Variants in RRP1B observed in about 807,000 individuals in gnomAD.
RRP1B encodes ribosomal RNA processing protein 1 homolog B.
In RRP1B, 56 loss-of-function variants were observed where a neutral mutation model predicts 80.2. The observed-to-expected ratio is 0.70, with a 90% CI of 0.56 to 0.87. The LOEUF (loss-of-function observed/expected upper bound fraction) is 0.87. Among genes scored for constraint, RRP1B ranks in the 40% least tolerant of loss-of-function variants. The pLI is 0.00. For synonymous variants in RRP1B, 351 were observed against 357.6 expected, an observed-to-expected ratio of 0.98 and a Z score of 0.21; for missense variants, 807 against 939.8, an observed-to-expected ratio of 0.86 and a Z score of 1.85.
intron 1 of RRP1B, among the ~76,000 whole-genome samples, chr21:43,669,549 A>C (rs2082991255): frequency 6.6e-6 from 1 of 152,202 alleles, no homozygotes; most frequent in South Asian, 2.1e-4. Flanking sequence ...GTCAGTGTGC[A>C]GGATGGCTGC....
intron 13 of RRP1B, among the ~76,000 whole-genome samples, 196 bp downstream of exon 13, chr21:43,688,436 A>G (rs1486151625): frequency 6.6e-6 from 1 of 152,346 alleles, no homozygotes; most frequent in East Asian, 1.9e-4. Flanking sequence ...GGTCCTCCTC[A>G]TCGGCCACCT....
intron 8 of RRP1B, among the ~76,000 whole-genome samples, chr21:43,682,694 C>T (rs905340712): frequency 6.6e-6 from 1 of 152,196 alleles, no homozygotes; most frequent in African/African-American, 2.4e-5. Flanking sequence ...TTCGTCCTAA[C>T]GGGACCACGT....
chr21:43,668,981 C>G (rs146199073), intron 1 of RRP1B, among the ~76,000 whole-genome samples: 5 of 152,162 alleles, frequency 3.3e-5, no homozygotes, highest in Admixed American at 3.3e-4. Context: ...TAAGGCTGAA[C>G]GAGACTGGTC....
chr21:43,674,825 T>C (rs1041057891), intron 5 of RRP1B, 128 bp downstream of exon 5: 47 of 1,055,642 alleles, frequency 4.5e-5, no homozygotes, highest in Admixed American at 1.4e-4. Flanking sequence ...AGAATTGAAA[T>C]CCAGTAGAAG....
At chr21:43,686,223 G>A (rs567866804) in intron 11 of RRP1B, 3 of 163,560 alleles carry the variant, frequency 1.8e-5, no homozygotes, top group African/African-American at 4.8e-5. Flanking sequence ...CCTATCCTGG[G>A]CTCTCCCTAA....
At chr21:43,670,196 T>A (rs2082994145) in intron 2 of RRP1B, among the ~76,000 whole-genome samples, 1 of 152,268 alleles carries the variant, frequency 6.6e-6, no homozygotes, top group Non-Finnish European at 1.5e-5. Flanking sequence ...GTCAATTTAC[T>A]ATTTCTCTGT....
At chr21:43,682,897 C>T (rs983808104) in intron 8 of RRP1B, among the ~76,000 whole-genome samples, 1 of 152,154 alleles carries the variant, frequency 6.6e-6, no homozygotes, top group Middle Eastern at 3.4e-3. Flanking sequence ...TTTTTTGAGA[C>T]GGAGTCTCGT....
chr21:43,691,527 A>G lies in RRP1B; in HGVS notation c.2083+25A>G, dbSNP rs368648364. ...GGTAAGTGGGGTTTTGCCAGCGGCA[A>G]GCTTCTCTGGAGCACAGCTGCAGCT... On this transcript the variant is annotated intron_variant, in intron 15 of 15. Coordinates refer to ENST00000340648, the MANE Select transcript of RRP1B (RefSeq NM_015056.3). The surrounding 1 kb of genome is among the most constrained non-coding windows in gnomAD (Gnocchi z 4.2). 32 of 1,611,920 alleles carry G rather than the reference A, an allele frequency of 2.0e-5. No individual in the cohort carries two copies. The highest frequency in any genetic ancestry group is 2.6e-5 in the Non-Finnish European group (31 of 1,178,344).
In RRP1B at chr21:43,690,301, C is replaced by A. The variant is rs903386953; in HGVS notation, c.1880C>A (p.Thr627Asn). 2 of 1,614,106 alleles carry A rather than the reference C, an allele frequency of 1.2e-6. No individual in the cohort carries two copies. The highest frequency in any genetic ancestry group is 1.7e-6 in the Non-Finnish European group (2 of 1,180,032). Residue 627 changes from threonine to asparagine, a missense_variant, in exon 14 of 16, where the codon ACT becomes AAT. Coordinates refer to ENST00000340648, the MANE Select transcript of RRP1B (RefSeq NM_015056.3). ...TCGCTCACGTAGGGAAGCAGTGGGA[C>A]TTGCAGTTCCCTGAAGAAGCAGAAG... ...GQPQALGSSG[T>N]CSSLKKQKLR...
In RRP1B at chr21:43,675,095, C is replaced by G; in HGVS notation, c.481C>G (p.Pro161Ala). 6.2e-7 allele frequency: 1 copy of G among 1,614,070 alleles called. No individual in the cohort carries two copies. Among genetic ancestry groups the G allele is most frequent in the Non-Finnish European group, 8.5e-7 (1 of 1,179,960 alleles). The change falls in exon 6 of 16, where the codon CCT becomes GCT. Residue 161 changes from proline to alanine, a missense_variant. Coordinates refer to ENST00000340648, the MANE Select transcript of RRP1B (RefSeq NM_015056.3). ...GGTCCTGTGTCCTGAGAGTCAGTCT[C>G]CTAATGGAGTGAGATTCCACTTCAT... is the stretch of plus-strand genomic sequence containing the variant. ...KEVLCPESQS[P>A]NGVRFHFIDI...
intron 9 of RRP1B, among the ~76,000 whole-genome samples, 174 bp from the exon 10 acceptor site, chr21:43,684,379 C>G (rs981489991): frequency 3.9e-5 from 6 of 152,148 alleles, no homozygotes; most frequent in African/African-American, 9.7e-5. Context: ...CCTGAACATG[C>G]ATTTTTCAAA....
intron 3 of RRP1B, among the ~76,000 whole-genome samples, chr21:43,672,763 T>C (rs578252452): frequency 2.8e-4 from 42 of 152,128 alleles, no homozygotes; most frequent in Admixed American, 2.7e-3. Context: ...CTCTCAACCA[T>C]AGAGAAAAAA....
At chr21:43,676,460 GA>G in intron 7 of RRP1B, 124 bp downstream of exon 7, 1 of 780,412 alleles carries the variant, frequency 1.3e-6, no homozygotes, top group Non-Finnish European at 2.1e-6. Flanking sequence ...GGCTGGAGAA[GA>G]CAGCCGAAGC....
rs560112364 is a variant in RRP1B at position 43,695,240 on chromosome 21, G to C, written c.*1857G>C. On this transcript the variant is annotated 3_prime_UTR_variant, in exon 16 of 16. Transcript: ENST00000340648. ...TAACAATTTTTATTTCAGCTTTAAAGATGGGTCATATAGCCAAACGGGCCA... is the reference window on the plus strand; with the variant it reads ...TAACAATTTTTATTTCAGCTTTAAACATGGGTCATATAGCCAAACGGGCCA... 9 of 151,850 alleles carry C rather than the reference G, an allele frequency of 5.9e-5. No individual in the cohort carries two copies. The highest frequency in any genetic ancestry group is 2.2e-4 in the African/African-American group (9 of 41,358). The allele number at this position is 151,850 out of a possible 1,614,324, so 9.4% of individuals were successfully genotyped here.
Position 43,662,997 on chromosome 21 carries a change from G to C in RRP1B, c.130+3203G>C, listed in dbSNP as rs114729325. Among the ~76,000 whole-genome samples, 998 of 152,316 alleles carry C rather than the reference G, an allele frequency of 6.6e-3. 13 individuals carry two copies. Among genetic ancestry groups the C allele is most frequent in the African/African-American group, 0.023 (948 of 41,562 alleles). ...CAAAATAACAGTACATCTTATGGTT[G>C]ATGCTATATTAGATTCAGTGTAGAT... On this transcript the variant is annotated intron_variant, in intron 1 of 15. Coordinates refer to ENST00000340648, the MANE Select transcript of RRP1B (RefSeq NM_015056.3).
At chr21:43,676,408 C>T (rs2083022885) in intron 7 of RRP1B, 72 bp downstream of exon 7, 1 of 1,193,766 alleles carries the variant, frequency 8.4e-7, no homozygotes, top group South Asian at 1.3e-5. Context: ...CGTCGTGCAG[C>T]CTGGCACAGG....
chr21:43,693,026 T>C lies in RRP1B; in HGVS notation c.2084-164T>C, dbSNP rs2083093240. Among the ~76,000 whole-genome samples, 1 of 152,120 alleles carries C rather than the reference T, an allele frequency of 6.6e-6. No individual in the cohort carries two copies. Among genetic ancestry groups the C allele is most frequent in the South Asian group, 2.1e-4 (1 of 4,818 alleles). Reference sequence around the variant, plus strand: ...TGGGATGTGGCCTCACTGCCCTCCTTTCCTCAGAAGGCTCTTGGGCCTGCT... The same window carrying C: ...TGGGATGTGGCCTCACTGCCCTCCTCTCCTCAGAAGGCTCTTGGGCCTGCT... On this transcript the variant is annotated intron_variant, in intron 15 of 15. Coordinates refer to ENST00000340648, the MANE Select transcript of RRP1B (RefSeq NM_015056.3). The surrounding 1 kb of genome is among the most constrained non-coding windows in gnomAD (Gnocchi z 4.1).
chr21:43,673,071 T>C (rs2083006124), intron 3 of RRP1B, among the ~76,000 whole-genome samples: 1 of 152,202 alleles, frequency 6.6e-6, no homozygotes, highest in Admixed American at 6.5e-5. Flanking sequence ...AAAAATTCAG[T>C]GTTTTGTACC....
chr21:43,682,678 G>A (rs1177775431), intron 8 of RRP1B, among the ~76,000 whole-genome samples: 1 of 152,330 alleles, frequency 6.6e-6, no homozygotes, highest in East Asian at 1.9e-4. Context: ...CCCATGCACC[G>A]CAGCCTTCGT....
Sources: gnomAD v4.1 joint callset for allele counts (sites outside exome capture counted in the v4.1 genomes callset) on GRCh38, gnomAD v4.1.1 for gene constraint, Gnocchi (gnomAD v3.1) non-coding constraint, MANE v1.5 for transcripts, NCBI Gene and HGNC (gene_info 2026-07-23, HGNC 2026-07-21) for gene names.